Variants in RUNDC3B observed in about 807,000 individuals in gnomAD.
RUNDC3B encodes RUN domain containing 3B.
RUNDC3B carries 33 observed loss-of-function variants against 58.4 expected under a neutral mutation model. The ratio of observed to expected loss-of-function variants is 0.56; its 90% confidence interval spans 0.43 to 0.75. RUNDC3B has a LOEUF of 0.75. RUNDC3B is among the 30% of genes least tolerant of loss of function. The pLI is 0.00. For synonymous variants in RUNDC3B, 193 were observed against 195.2 expected, an observed-to-expected ratio of 0.99 and a Z score of 0.10; for missense variants, 501 against 535.7, an observed-to-expected ratio of 0.94 and a Z score of 0.64.
chr7:87,634,636 A>C (rs1318001149), intron 1 of RUNDC3B, among the ~76,000 whole-genome samples: 1 of 152,108 alleles, frequency 6.6e-6, no homozygotes, highest in Non-Finnish European at 1.5e-5. Context: ...TCAAAAAAAA[A>C]AGAAAAAAAA....
At chr7:87,636,686 A>G (rs945708148) in intron 1 of RUNDC3B, among the ~76,000 whole-genome samples, 4 of 152,168 alleles carry the variant, frequency 2.6e-5, no homozygotes, top group Non-Finnish European at 5.9e-5. Flanking sequence ...TTATTTTTAC[A>G]TTTATATCAA....
chr7:87,641,606 G>T (rs1485321965), intron 1 of RUNDC3B, among the ~76,000 whole-genome samples: 1 of 152,188 alleles, frequency 6.6e-6, no homozygotes, highest in Admixed American at 6.5e-5. Context: ...CGACAGCTGT[G>T]AATGTGCACT....
intron 1 of RUNDC3B, among the ~76,000 whole-genome samples, chr7:87,644,839 T>C (rs760085729): frequency 9.9e-5 from 15 of 151,916 alleles, no homozygotes; most frequent in Non-Finnish European, 1.8e-4. Flanking sequence ...TAATAAAAAC[T>C]ATAGACATTA....
intron 8 of RUNDC3B, among the ~76,000 whole-genome samples, chr7:87,803,795 T>C (rs1836296581): frequency 6.6e-6 from 1 of 152,190 alleles, no homozygotes; most frequent in Admixed American, 6.5e-5. Context: ...CCGTGAATAT[T>C]TTGCAGATTT....
intron 6 of RUNDC3B, among the ~76,000 whole-genome samples, chr7:87,760,862 A>C (rs1039803773): frequency 5.3e-5 from 8 of 152,052 alleles, no homozygotes; most frequent in African/African-American, 1.9e-4. Context: ...GTAAGAGCTA[A>C]CACAATAAAA....
At chr7:87,748,288 T>G (rs1053944237) in intron 6 of RUNDC3B, among the ~76,000 whole-genome samples, 5 of 152,166 alleles carry the variant, frequency 3.3e-5, no homozygotes, top group Non-Finnish European at 5.9e-5. Context: ...GAGGCGGGGT[T>G]CTCCCTTTCC....
At chr7:87,792,620 G>A (rs1313952718) in intron 8 of RUNDC3B, among the ~76,000 whole-genome samples, 1 of 152,026 alleles carries the variant, frequency 6.6e-6, no homozygotes, top group African/African-American at 2.4e-5. Context: ...AGTGGGTCAG[G>A]AAGTAATTAA....
In RUNDC3B at chr7:87,628,940, G is replaced by A; in HGVS notation, c.117G>A (p.Val39=). 7.6e-7 allele frequency: 1 copy of A among 1,310,148 alleles called. No individual in the cohort carries two copies. The highest frequency in any genetic ancestry group is 9.8e-7 in the Non-Finnish European group (1 of 1,020,516). The allele number at this position is 1,310,148 out of a possible 1,614,324, so 81.2% of individuals were successfully genotyped here. Residue 39 remains valine, a synonymous_variant, in exon 1 of 11, where the codon GTG becomes GTA. Coordinates refer to ENST00000394654, the MANE Select transcript of RUNDC3B (RefSeq NM_001134405.2). ...TGGAGAGGAGGAACCTGATCACCGT[G>A]TGCAGGTACGGCAGCGCAGGGCGAG... ...AAVERRNLIT[V]CRFSVKTLID... is the part of the protein sequence containing the mutation.
intron 8 of RUNDC3B, among the ~76,000 whole-genome samples, chr7:87,780,290 T>G (rs1221397394): frequency 1.3e-5 from 2 of 152,212 alleles, no homozygotes; most frequent in Non-Finnish European, 2.9e-5. Flanking sequence ...TATCATCTGT[T>G]GTTTTGCAAC....
At chr7:87,686,951 GAA>G (rs1202632144) in intron 2 of RUNDC3B, among the ~76,000 whole-genome samples, 3 of 69,212 alleles carry the variant, frequency 4.3e-5, no homozygotes, top group African/African-American at 5.1e-5. Context: ...ATCTCCAAAA[GAA>G]AAAAAAAAAA....
At chr7:87,772,657 A>G (rs1053783790) in intron 7 of RUNDC3B, among the ~76,000 whole-genome samples, 1 of 152,192 alleles carries the variant, frequency 6.6e-6, no homozygotes, top group South Asian at 2.1e-4. Context: ...GTAGAGGGAA[A>G]GAAAAGAAAT....
chr7:87,787,742 T>A (rs1211483126), intron 8 of RUNDC3B, among the ~76,000 whole-genome samples: 3 of 152,204 alleles, frequency 2.0e-5, no homozygotes, highest in African/African-American at 7.2e-5. Context: ...GTATTAATGG[T>A]GTTAAGTATA....
At chr7:87,739,397 A>C (rs1414057603) in intron 4 of RUNDC3B, among the ~76,000 whole-genome samples, 1 of 152,050 alleles carries the variant, frequency 6.6e-6, no homozygotes, top group Non-Finnish European at 1.5e-5. Flanking sequence ...ACTCAAGTCT[A>C]CTTCATTTTG....
At chr7:87,816,848 A>G (rs1584274446) in intron 10 of RUNDC3B, among the ~76,000 whole-genome samples, 2 of 152,144 alleles carry the variant, frequency 1.3e-5, no homozygotes, top group African/African-American at 4.8e-5. Context: ...ATATGGTCCC[A>G]TTTCAGTTTC....
intron 8 of RUNDC3B, among the ~76,000 whole-genome samples, chr7:87,786,786 T>C (rs753410715): frequency 1.1e-4 from 17 of 152,298 alleles, no homozygotes; most frequent in Middle Eastern, 3.4e-3. Flanking sequence ...ACAAAGACTT[T>C]CAAACTTTCA....
At chr7:87,800,243 G>T (rs1254257731) in intron 8 of RUNDC3B, among the ~76,000 whole-genome samples, 2 of 152,092 alleles carry the variant, frequency 1.3e-5, no homozygotes, top group East Asian at 3.9e-4. Context: ...AGAGGGGAGA[G>T]GATAACCTTC....
chr7:87,673,153 T>C (rs1171887398), intron 2 of RUNDC3B, among the ~76,000 whole-genome samples: 1 of 152,224 alleles, frequency 6.6e-6, no homozygotes, highest in Non-Finnish European at 1.5e-5. Flanking sequence ...TAACATTTTT[T>C]CTTTCATTTT....
rs920979279 is a variant in RUNDC3B, at chr7:87,831,594, T to C, written c.*1564T>C. 6 of 151,912 alleles carry C rather than the reference T, an allele frequency of 3.9e-5. No homozygotes were observed. The highest frequency in any genetic ancestry group is 5.9e-5 in the Non-Finnish European group (4 of 67,866). 9.4% of individuals were successfully genotyped at this position (151,912 alleles called of 1,614,324 possible). A position where few individuals can be genotyped will look rare whatever the true frequency, so the allele number is the denominator to read the frequency against. ...TAGAAATGCAAATATTCTTGAGAAA[T>C]GATACATTTTTTGTTCTCAATTTCT... On this transcript the variant is annotated 3_prime_UTR_variant, in exon 11 of 11. Coordinates refer to ENST00000394654, the MANE Select transcript of RUNDC3B (RefSeq NM_001134405.2).
intron 1 of RUNDC3B, among the ~76,000 whole-genome samples, chr7:87,647,651 G>A (rs754916041): frequency 3.1e-4 from 47 of 152,074 alleles, no homozygotes; most frequent in Non-Finnish European, 5.0e-4. Flanking sequence ...CTACAATAAC[G>A]TGGTTTCAAT....
Sources: gnomAD v4.1 joint callset for allele counts (sites outside exome capture counted in the v4.1 genomes callset) on GRCh38, gnomAD v4.1.1 for gene constraint, MANE v1.5 for transcripts, NCBI Gene and HGNC (gene_info 2026-07-23, HGNC 2026-07-21) for gene names.